Variants in PABPC4L observed in about 807,000 individuals in gnomAD.
The protein encoded by PABPC4L is poly(A) binding protein cytoplasmic 4 like, also known as polyadenylate-binding protein 4-like.
For missense variants in PABPC4L, 452 were observed against 451.4 expected, an observed-to-expected ratio of 1.00 and a Z score of -0.01; for synonymous variants, 169 against 164.1, an observed-to-expected ratio of 1.03 and a Z score of -0.23.
chr4:134,057,890 C>T, the PABPC4L span, among the ~76,000 whole-genome samples: 5 of 151,906 alleles, frequency 3.3e-5, no homozygotes, highest in Non-Finnish European at 5.9e-5. Flanking sequence ...ATATCTACTT[C>T]GTCTTTCTGG....
the PABPC4L span, among the ~76,000 whole-genome samples, chr4:133,998,207 C>T: frequency 6.6e-6 from 1 of 151,602 alleles, no homozygotes; most frequent in Non-Finnish European, 1.5e-5. Flanking sequence ...ATTAATTATA[C>T]TATTTCTAAG....
At chr4:134,100,288 C>T in the PABPC4L span, among the ~76,000 whole-genome samples, 2 of 151,646 alleles carry the variant, frequency 1.3e-5, no homozygotes, top group African/African-American at 2.4e-5. Context: ...AAGATTGAAG[C>T]TGCACCTTTT....
chr4:134,073,070 A>G, the PABPC4L span, among the ~76,000 whole-genome samples: 1 of 152,140 alleles, frequency 6.6e-6, no homozygotes, highest in Admixed American at 6.5e-5. Flanking sequence ...TTTAAAACAC[A>G]ATCTGGTACT....
At chr4:134,052,721 C>T in the PABPC4L span, among the ~76,000 whole-genome samples, 1 of 151,730 alleles carries the variant, frequency 6.6e-6, no homozygotes, top group Admixed American at 6.6e-5. Flanking sequence ...ACAAGAAACA[C>T]CTATATTTAT....
chr4:134,166,012 G>A, the PABPC4L span, among the ~76,000 whole-genome samples: 7 of 152,112 alleles, frequency 4.6e-5, no homozygotes, highest in African/African-American at 1.4e-4. Flanking sequence ...TATTCTAAGT[G>A]AAATAATTCA....
chr4:134,003,710 C>T, the PABPC4L span, among the ~76,000 whole-genome samples: 1 of 151,822 alleles, frequency 6.6e-6, no homozygotes, highest in African/African-American at 2.4e-5. Flanking sequence ...ACCAATTATA[C>T]TTGTAACCGT....
chr4:134,088,148 C>T, the PABPC4L span, among the ~76,000 whole-genome samples: 1 of 152,080 alleles, frequency 6.6e-6, no homozygotes, highest in Non-Finnish European at 1.5e-5. Flanking sequence ...TCCTCCTCAT[C>T]TCCCTGTATC....
At chr4:134,076,823 A>G in the PABPC4L span, among the ~76,000 whole-genome samples, 1,409 of 152,252 alleles carry the variant, frequency 9.3e-3, 17 homozygotes, top group African/African-American at 0.032. Context: ...TTTTATATAC[A>G]TATATGTATA....
the PABPC4L span, among the ~76,000 whole-genome samples, chr4:134,059,455 CACAT>C: frequency 6.7e-6 from 1 of 149,686 alleles, no homozygotes; most frequent in Non-Finnish European, 1.5e-5. Flanking sequence ...CACACATGTA[CACAT>C]ACACACACAT....
chr4:134,082,157 T>C, the PABPC4L span, among the ~76,000 whole-genome samples: 1 of 152,200 alleles, frequency 6.6e-6, no homozygotes, highest in African/African-American at 2.4e-5. Context: ...AAGGGATGTC[T>C]TATTACATTA....
the PABPC4L span, among the ~76,000 whole-genome samples, chr4:134,075,865 T>A: frequency 6.6e-6 from 1 of 152,150 alleles, no homozygotes; most frequent in Admixed American, 6.6e-5. Flanking sequence ...CAAGCATGTA[T>A]CCATTGATTC....
At chr4:134,058,381 T>A in the PABPC4L span, among the ~76,000 whole-genome samples, 7 of 151,992 alleles carry the variant, frequency 4.6e-5, no homozygotes, top group Non-Finnish European at 1.5e-5. Context: ...TGATAAGCAC[T>A]TCTTATGATA....
At chr4:134,052,617 C>T in the PABPC4L span, among the ~76,000 whole-genome samples, 3 of 151,492 alleles carry the variant, frequency 2.0e-5, no homozygotes, top group African/African-American at 7.3e-5. Flanking sequence ...AGAGCAAAGT[C>T]AAAATATAGT....
the PABPC4L span, among the ~76,000 whole-genome samples, chr4:133,961,707 G>A: frequency 0.11 from 17,002 of 151,914 alleles, 1,043 homozygotes; most frequent in Admixed American, 0.2. Flanking sequence ...CTGAGCTTTC[G>A]CTTGCCGTCC....
chr4:133,970,657 C>T, the PABPC4L span, among the ~76,000 whole-genome samples: 1 of 152,068 alleles, frequency 6.6e-6, no homozygotes, highest in Non-Finnish European at 1.5e-5. Flanking sequence ...ATATGTGTCC[C>T]CTCAAAATTC....
the PABPC4L span, among the ~76,000 whole-genome samples, chr4:134,016,453 C>T: frequency 2.0e-5 from 3 of 152,290 alleles, no homozygotes; most frequent in East Asian, 5.8e-4. Flanking sequence ...TAAAGGGCAT[C>T]AGATGCCATC....
the PABPC4L span, among the ~76,000 whole-genome samples, chr4:134,089,534 T>C: frequency 6.6e-6 from 1 of 152,180 alleles, no homozygotes; most frequent in East Asian, 1.9e-4. Context: ...CATTTATAAT[T>C]GTTCTATTTT....
At chr4:133,986,252 AC>A in the PABPC4L span, among the ~76,000 whole-genome samples, 1 of 152,118 alleles carries the variant, frequency 6.6e-6, no homozygotes, top group Non-Finnish European at 1.5e-5. Flanking sequence ...AACATAAACA[AC>A]TTTTTATATC....
the PABPC4L span, among the ~76,000 whole-genome samples, chr4:134,142,763 C>G: frequency 6.6e-6 from 1 of 151,506 alleles, no homozygotes; most frequent in South Asian, 2.1e-4. Flanking sequence ...TCAAACATAC[C>G]TCTTACTGAA....
Sources: gnomAD v4.1 joint callset for allele counts (sites outside exome capture counted in the v4.1 genomes callset) on GRCh38, gnomAD v4.1.1 for gene constraint, MANE v1.5 for transcripts, NCBI Gene and HGNC (gene_info 2026-07-23, HGNC 2026-07-21) for gene names.